Variants in ARFGEF2 observed in about 807,000 individuals in gnomAD.
ARFGEF2 encodes ARF guanine nucleotide exchange factor 2.
ARFGEF2 carries 74 observed loss-of-function variants against 219.9 expected under a neutral mutation model. The observed-to-expected ratio is 0.34, with a 90% CI of 0.28 to 0.41. The LOEUF (loss-of-function observed/expected upper bound fraction) is 0.41, where lower values mean the gene tolerates loss of function less well. ARFGEF2 is among the 10% of genes least tolerant of loss of function. The probability of loss-of-function intolerance (pLI) is 1.00; values close to 1 mark genes in which losing one functional copy is unlikely to be tolerated. For synonymous variants in ARFGEF2, 733 were observed against 799.2 expected (o/e 0.92, Z 1.40); for missense variants, 1,743 against 2,218.3 (o/e 0.79, Z 4.30).
Position 48,988,300 on chromosome 20 carries a change from C to T in ARFGEF2, c.2277-4C>T. ...ATATTGATGTCTCGAATTTTTTTCT[C>T]CAGGCAAACTCTGTTTGCTAGTGCT... is the stretch of plus-strand genomic sequence containing the variant. On this transcript the variant is annotated splice_region_variant and splice_polypyrimidine_tract_variant and intron_variant, in intron 16 of 38. Transcript: ENST00000371917. 2 of 1,612,232 alleles carry T rather than the reference C, an allele frequency of 1.2e-6. No homozygotes were observed. The highest frequency in any genetic ancestry group is 1.7e-6 in the Non-Finnish European group (2 of 1,179,104).
At chr20:48,985,329 C>T (rs1440556155) in intron 15 of ARFGEF2, 79 bp from the exon 16 acceptor site, 15 of 1,489,560 alleles carry the variant, frequency 1.0e-5, no homozygotes, top group African/African-American at 1.4e-5. Flanking sequence ...GCTATTCTGA[C>T]TCCACCCTTT....
In ARFGEF2 at chr20:49,013,680, A is replaced by G. The variant is rs2091514130; in HGVS notation, c.4035A>G (p.Leu1345=). Residue 1345 remains leucine, a synonymous_variant, in exon 29 of 39, where the codon TTA becomes TTG. Transcript: ENST00000371917. ...ELSCIINRCK[L]DVRTRGLTVM... is the part of the protein sequence containing the mutation. ...CCTGCATCATTAATAGATGCAAGTT[A>G]GATGTACGAACAAGGTAACCATGTT... 20 of 1,614,206 alleles carry G rather than the reference A, an allele frequency of 1.2e-5. No homozygotes were observed. The highest frequency in any genetic ancestry group is 1.7e-5 in the Non-Finnish European group (20 of 1,180,038).
chr20:48,951,557 T>TGA, intron 4 of ARFGEF2, 88 bp downstream of exon 4: 1 of 1,562,898 alleles, frequency 6.4e-7, no homozygotes, highest in Non-Finnish European at 8.8e-7. Context: ...ATGTGTTAGT[T>TGA]GTCTCAGGTG....
chr20:49,008,767 G>T (rs2091478854), intron 26 of ARFGEF2, among the ~76,000 whole-genome samples: 1 of 148,534 alleles, frequency 6.7e-6, no homozygotes, highest in Admixed American at 6.7e-5. Context: ...GAGTACAGTG[G>T]TGCAATCTCG....
intron 21 of ARFGEF2, 124 bp downstream of exon 21, chr20:48,991,322 TG>T: frequency 7.3e-7 from 1 of 1,370,452 alleles, no homozygotes; most frequent in South Asian, 1.2e-5. Context: ...CTCATGTATC[TG>T]GAAGTCACCC....
At chr20:48,947,433 A>G (rs2123335233) in intron 3 of ARFGEF2, among the ~76,000 whole-genome samples, 1 of 149,264 alleles carries the variant, frequency 6.7e-6, no homozygotes, top group East Asian at 2.0e-4. Flanking sequence ...GTTGGGCATG[A>G]TGGTTCACGC....
At chr20:48,933,719 A>G (rs944218116) in intron 1 of ARFGEF2, among the ~76,000 whole-genome samples, 2 of 151,968 alleles carry the variant, frequency 1.3e-5, no homozygotes, top group Non-Finnish European at 2.9e-5. Context: ...GACCTCTCTC[A>G]TGGCGGTGTC....
rs552029085 is a variant in ARFGEF2 at position 49,029,241 on chromosome 20, T to G, written c.5063+573T>G. Among the ~76,000 whole-genome samples, 5 of 152,356 alleles carry G rather than the reference T, an allele frequency of 3.3e-5. No individual in the cohort carries two copies. The East Asian group carries it at 5.8e-4, about 18-fold the overall frequency. ...CAGCAAGATTCTGATGCCTGAGCTT[T>G]CTTTTCTTCCTCTAAGGTATAAAAA... On this transcript the variant is annotated intron_variant, in intron 37 of 38. Transcript: ENST00000371917.
At chr20:48,951,095 A>G (rs2091068204) in intron 3 of ARFGEF2, among the ~76,000 whole-genome samples, 1 of 151,776 alleles carries the variant, frequency 6.6e-6, no homozygotes, top group Non-Finnish European at 1.5e-5. Context: ...GGAGTGCTCT[A>G]TACCTTGCAT....
intron 3 of ARFGEF2, among the ~76,000 whole-genome samples, chr20:48,948,600 C>A (rs956814761): frequency 1.3e-5 from 2 of 152,200 alleles, no homozygotes; most frequent in African/African-American, 4.8e-5. Flanking sequence ...AGCTTACTTA[C>A]CCTAACCTCT....
At chr20:48,950,211 G>GTGAC (rs2091056861) in intron 3 of ARFGEF2, among the ~76,000 whole-genome samples, 1 of 152,096 alleles carries the variant, frequency 6.6e-6, no homozygotes, top group Non-Finnish European at 1.5e-5. Flanking sequence ...CTGCTCGTGG[G>GTGAC]TGACACACAC....
chr20:49,008,804 T>TTCAA (rs1283069800), intron 26 of ARFGEF2, among the ~76,000 whole-genome samples: 4 of 147,228 alleles, frequency 2.7e-5, no homozygotes, highest in Non-Finnish European at 5.9e-5. Flanking sequence ...GCCTCCCAGG[T>TTCAA]TCAAACTATT....
chr20:49,031,477 C>T lies in ARFGEF2; in HGVS notation c.5064-572C>T, dbSNP rs531775011. ...CTCCTGGCTTCAAGTGATCTGCTTG[C>T]GTTGGCCTCCCAGAGTGCTGGGATT... On this transcript the variant is annotated intron_variant, in intron 37 of 38. Coordinates refer to ENST00000371917, the MANE Select transcript of ARFGEF2 (RefSeq NM_006420.3). 3.5e-4 allele frequency among the ~76,000 whole-genome samples: 54 copies of T among 152,114 alleles called. 1 individual carries two copies. The South Asian group carries it at 4.8e-3, about 13-fold the overall frequency.
At chr20:48,956,828 T>G (rs1600607635) in intron 6 of ARFGEF2, among the ~76,000 whole-genome samples, 1 of 152,112 alleles carries the variant, frequency 6.6e-6, no homozygotes, top group Admixed American at 6.5e-5. Context: ...GATCCACCCG[T>G]CTCGGCCTCC....
At chr20:48,925,305 C>T (rs572712741) in intron 1 of ARFGEF2, among the ~76,000 whole-genome samples, 10 of 152,194 alleles carry the variant, frequency 6.6e-5, no homozygotes, top group Non-Finnish European at 1.5e-4. Flanking sequence ...GAGTATTCAT[C>T]GCCCCAAGGA....
intron 1 of ARFGEF2, among the ~76,000 whole-genome samples, chr20:48,936,862 G>A (rs1355481230): frequency 6.6e-6 from 1 of 152,026 alleles, no homozygotes; most frequent in Non-Finnish European, 1.5e-5. Context: ...GAGATGATGA[G>A]CTGTTTTTCA....
chr20:48,930,271 A>G (rs2099457745), intron 1 of ARFGEF2, among the ~76,000 whole-genome samples: 1 of 152,224 alleles, frequency 6.6e-6, no homozygotes, highest in Admixed American at 6.5e-5. Flanking sequence ...TCATGAGGGC[A>G]GAGCCCTCGT....
intron 1 of ARFGEF2, among the ~76,000 whole-genome samples, chr20:48,922,933 T>C (rs2123252558): frequency 6.6e-6 from 1 of 152,274 alleles, no homozygotes. Context: ...AGAAAATAGG[T>C]GAGGTATTTT....
chr20:49,008,262 A>C (rs769246894), intron 26 of ARFGEF2, among the ~76,000 whole-genome samples: 4 of 152,198 alleles, frequency 2.6e-5, no homozygotes, highest in Non-Finnish European at 5.9e-5. Flanking sequence ...TTTTGCTGTT[A>C]AAAATGTTCA....
Sources: allele counts gnomAD v4.1 joint callset (sites outside exome capture counted in the v4.1 genomes callset), GRCh38; gene constraint gnomAD v4.1.1; transcripts MANE v1.5; gene names NCBI Gene and HGNC (gene_info 2026-07-23, HGNC 2026-07-21).